Variants in PIAS2 observed in about 807,000 individuals in gnomAD.
PIAS2 encodes protein inhibitor of activated STAT 2.
In PIAS2, 19 loss-of-function variants were observed where a neutral mutation model predicts 69.7. That is an observed-to-expected ratio of 0.27 (90% confidence interval 0.19 to 0.40). The LOEUF is 0.40. Among genes scored for constraint, PIAS2 ranks in the 10% least tolerant of loss-of-function variants. The pLI, the probability that PIAS2 is intolerant of heterozygous loss-of-function variation, is 1.00. For synonymous variants in PIAS2, 261 were observed against 263.2 expected, an observed-to-expected ratio of 0.99 and a Z score of 0.08; for missense variants, 624 against 757.0, an observed-to-expected ratio of 0.82 and a Z score of 2.06.
At chr18:46,887,259 G>GAA (rs5824641) in intron 2 of PIAS2, among the ~76,000 whole-genome samples, 33 of 124,194 alleles carry the variant, frequency 2.7e-4, no homozygotes, top group African/African-American at 7.2e-4. Flanking sequence ...GCAAAAAATT[G>GAA]AAAAAAAAAA....
chr18:46,875,695 T>G (rs1197579841), intron 2 of PIAS2, among the ~76,000 whole-genome samples: 1 of 152,096 alleles, frequency 6.6e-6, no homozygotes, highest in Non-Finnish European at 1.5e-5. Context: ...AGACTATAGC[T>G]CTAGAGACAG....
rs1188059428 is a variant in PIAS2, at chr18:46,809,458, A to T, written c.*2975T>A. 6.6e-6 allele frequency: 1 copy of T among 152,232 alleles called. No individual in the cohort carries two copies. The highest frequency in any genetic ancestry group is 2.4e-5 in the African/African-American group (1 of 41,444). 9.4% of individuals were successfully genotyped at this position (152,232 alleles called of 1,614,324 possible). A position where few individuals can be genotyped will look rare whatever the true frequency, so the allele number is the denominator to read the frequency against. On this transcript the variant is annotated 3_prime_UTR_variant, in exon 14 of 14. Coordinates refer to ENST00000585916, the MANE Select transcript of PIAS2 (RefSeq NM_004671.5). ...TCATAGTTCTAAGTGAAGAAAGATA[A>T]AAACATTTTATTTTGGCCAGGCGCG...
At chr18:46,898,994 CAA>C (rs80167037) in intron 1 of PIAS2, among the ~76,000 whole-genome samples, 12 of 80,690 alleles carry the variant, frequency 1.5e-4, no homozygotes, top group African/African-American at 1.4e-4. Flanking sequence ...GACTCCATCT[CAA>C]AAAAAAAAAA....
intron 5 of PIAS2, among the ~76,000 whole-genome samples, chr18:46,851,632 C>T (rs569192595): frequency 6.6e-6 from 1 of 152,256 alleles, no homozygotes; most frequent in East Asian, 1.9e-4. Flanking sequence ...ACCAAGGGAA[C>T]CTGGAAAATG....
At chr18:46,902,500 C>T (rs1248388499) in intron 1 of PIAS2, among the ~76,000 whole-genome samples, 1 of 151,820 alleles carries the variant, frequency 6.6e-6, no homozygotes, top group African/African-American at 2.4e-5. Flanking sequence ...GCACAGGTTG[C>T]AGCGAGCCGA....
intron 1 of PIAS2, among the ~76,000 whole-genome samples, chr18:46,892,335 CTA>C (rs1333862411): frequency 1.3e-5 from 2 of 152,070 alleles, no homozygotes; most frequent in Non-Finnish European, 2.9e-5. Context: ...ACTTTGTGTA[CTA>C]TATATGTCTC....
chr18:46,884,774 G>A (rs1171598675), intron 2 of PIAS2, among the ~76,000 whole-genome samples: 5 of 152,030 alleles, frequency 3.3e-5, no homozygotes, highest in Admixed American at 1.3e-4. Context: ...TAAATTAGCC[G>A]GGCGTGGTGG....
chr18:46,901,787 C>G (rs2055902174), intron 1 of PIAS2, among the ~76,000 whole-genome samples: 1 of 152,170 alleles, frequency 6.6e-6, no homozygotes, highest in Non-Finnish European at 1.5e-5. Flanking sequence ...ATTTGATAAA[C>G]AGGTCTACCA....
intron 1 of PIAS2, among the ~76,000 whole-genome samples, chr18:46,891,417 A>C (rs151197439): frequency 6.6e-6 from 1 of 152,316 alleles, no homozygotes; most frequent in East Asian, 1.9e-4. Flanking sequence ...ACCCCTCCCA[A>C]TATACAATGT....
intron 2 of PIAS2, among the ~76,000 whole-genome samples, chr18:46,879,540 C>T (rs572868174): frequency 5.3e-5 from 8 of 152,122 alleles, no homozygotes; most frequent in African/African-American, 1.4e-4. Flanking sequence ...CATACGATCC[C>T]GCAATTTCAC....
intron 5 of PIAS2, among the ~76,000 whole-genome samples, chr18:46,848,858 G>GA (rs964558795): frequency 0.021 from 2,787 of 134,122 alleles, 75 homozygotes; most frequent in African/African-American, 0.068. Context: ...AAGTTGCTCA[G>GA]AAAAAAAAAA....
At chr18:46,836,075 C>G (rs2044378832) in intron 9 of PIAS2, among the ~76,000 whole-genome samples, 1 of 152,162 alleles carries the variant, frequency 6.6e-6, no homozygotes, top group Admixed American at 6.5e-5. Context: ...CATCACAAAG[C>G]AAACTTTTCC....
chr18:46,900,505 C>CAA (rs770336105), intron 1 of PIAS2, among the ~76,000 whole-genome samples: 1 of 143,038 alleles, frequency 7.0e-6, no homozygotes, highest in African/African-American at 2.6e-5. Context: ...CAGGTTCTAC[C>CAA]AAAAAAAAAA....
chr18:46,892,298 G>A (rs1295517070), intron 1 of PIAS2, among the ~76,000 whole-genome samples: 1 of 152,104 alleles, frequency 6.6e-6, no homozygotes. Context: ...ATATGCCAAA[G>A]TAATCCATAT....
intron 2 of PIAS2, among the ~76,000 whole-genome samples, chr18:46,887,325 T>A (rs1034122860): frequency 1.3e-5 from 2 of 150,854 alleles, no homozygotes; most frequent in Admixed American, 6.6e-5. Flanking sequence ...ACTAACTAGC[T>A]CTACCCCTCA....
At chr18:46,883,977 G>A (rs1273305425) in intron 2 of PIAS2, among the ~76,000 whole-genome samples, 1 of 152,148 alleles carries the variant, frequency 6.6e-6, no homozygotes, top group Non-Finnish European at 1.5e-5. Flanking sequence ...CAGCCTGAAT[G>A]AAAGAGCAAG....
intron 2 of PIAS2, among the ~76,000 whole-genome samples, chr18:46,880,016 T>C (rs1041061810): frequency 2.6e-5 from 4 of 151,022 alleles, no homozygotes; most frequent in African/African-American, 9.8e-5. Flanking sequence ...ATGGCAGCGA[T>C]GGTTCCAACA....
At chr18:46,843,806 T>C in intron 8 of PIAS2, 1 of 284,150 alleles carries the variant, frequency 3.5e-6, no homozygotes, top group Non-Finnish European at 6.6e-6. Context: ...TTACTAGCTG[T>C]ATATTATCTA....
chr18:46,911,943 C>A (rs118162785), intron 1 of PIAS2, among the ~76,000 whole-genome samples: 1 of 152,056 alleles, frequency 6.6e-6, no homozygotes, highest in African/African-American at 2.4e-5. Flanking sequence ...CCCAGCTAAT[C>A]GCGAGGCTGA....
Sources: allele counts gnomAD v4.1 joint callset (sites outside exome capture counted in the v4.1 genomes callset), GRCh38; gene constraint gnomAD v4.1.1; transcripts MANE v1.5; gene names NCBI Gene and HGNC (gene_info 2026-07-23, HGNC 2026-07-21).